GPC6: variants seen among roughly 807,000 people sequenced by gnomAD.
GPC6 encodes glypican 6.
In GPC6, 14 loss-of-function variants were observed where a neutral mutation model predicts 55.2. The ratio of observed to expected loss-of-function variants is 0.25; its 90% CI spans 0.17 to 0.40. GPC6 has a LOEUF of 0.40. Ranked by LOEUF, GPC6 falls within the 10% of genes least tolerant of loss-of-function variation. GPC6 has a pLI of 1.00. For synonymous variants in GPC6, 278 were observed against 259.6 expected, an observed-to-expected ratio of 1.07 and a Z score of -0.68; for missense variants, 641 against 708.5, an observed-to-expected ratio of 0.90 and a Z score of 1.08.
chr13:93,492,216 C>G (rs2139358660), intron 1 of GPC6, among the ~76,000 whole-genome samples: 1 of 147,258 alleles, frequency 6.8e-6, no homozygotes, highest in South Asian at 2.2e-4. Flanking sequence ...GTTTGTAGTT[C>G]TCCTTGAAGA....
the GPC6 span, among the ~76,000 whole-genome samples, chr13:93,220,126 TGATA>T: frequency 6.6e-6 from 1 of 152,242 alleles, no homozygotes; most frequent in Admixed American, 6.5e-5. Context: ...AAATAATTAA[TGATA>T]GATAATTAAC....
chr13:93,695,545 T>C (rs1182687955), intron 2 of GPC6, among the ~76,000 whole-genome samples: 1 of 152,110 alleles, frequency 6.6e-6, no homozygotes, highest in East Asian at 1.9e-4. Context: ...CTTTTATAAA[T>C]ACACTTTTGT....
intron 4 of GPC6, among the ~76,000 whole-genome samples, chr13:94,210,565 T>C (rs1890047329): frequency 6.6e-6 from 1 of 152,192 alleles, no homozygotes; most frequent in Non-Finnish European, 1.5e-5. Flanking sequence ...ATACATGAAA[T>C]TGTATTAGAA....
rs1887438206 is a variant in GPC6, at chr13:93,830,402, G to A, written c.568G>A (p.Val190Met). 4 of 1,613,838 alleles carry A rather than the reference G, an allele frequency of 2.5e-6. No homozygotes were observed. In the East Asian group the frequency reaches 6.7e-5, roughly 27 times the overall value. The change falls in exon 3 of 9, where the codon GTG becomes ATG. Residue 190 changes from valine to methionine, a missense_variant. Transcript: ENST00000377047. The part of the protein sequence containing the change: ...YHFSEDYLEC[V>M]SKYTDQLKPF... ...CTTCAGTGAAGACTACCTGGAATGTGTGAGCAAATACACTGACCAGCTCAA... is the reference window on the plus strand; with the variant it reads ...CTTCAGTGAAGACTACCTGGAATGTATGAGCAAATACACTGACCAGCTCAA...
chr13:93,256,584 T>A (rs143962184), intron 1 of GPC6, among the ~76,000 whole-genome samples: 1 of 152,290 alleles, frequency 6.6e-6, no homozygotes, highest in Non-Finnish European at 1.5e-5. Flanking sequence ...TTAGTACACA[T>A]ATAATGAACA....
intron 1 of GPC6, among the ~76,000 whole-genome samples, chr13:93,533,663 T>G (rs897357746): frequency 6.6e-6 from 1 of 152,074 alleles, no homozygotes; most frequent in Non-Finnish European, 1.5e-5. Flanking sequence ...TGTGAACTGG[T>G]TTTTATTGGG....
intron 2 of GPC6, among the ~76,000 whole-genome samples, chr13:93,819,615 T>A (rs1476417869): frequency 6.6e-6 from 1 of 152,152 alleles, no homozygotes; most frequent in African/African-American, 2.4e-5. Flanking sequence ...GAAACTGCAA[T>A]GATGAAAGTC....
chr13:93,332,332 CAACA>C (rs920809827), intron 1 of GPC6, among the ~76,000 whole-genome samples: 1 of 151,040 alleles, frequency 6.6e-6, no homozygotes, highest in African/African-American at 2.4e-5. Context: ...CATTCCCACG[CAACA>C]GTGTGTAGGA....
chr13:93,448,590 T>C (rs1170675653), intron 1 of GPC6, among the ~76,000 whole-genome samples: 1 of 152,208 alleles, frequency 6.6e-6, no homozygotes, highest in African/African-American at 2.4e-5. Context: ...ATTATCCAGA[T>C]ACTAATTAAA....
upstream of GPC6, chr13:93,226,773 T>A (rs1875798446): frequency 6.6e-6 from 1 of 152,268 alleles, no homozygotes; most frequent in African/African-American, 2.4e-5. Flanking sequence ...GAATTTCGGC[T>A]GTGCAATGTG....
rs1327572863 is a variant in GPC6 at position 93,854,844 on chromosome 13, A to G, written c.711+24299A>G. 2.0e-4 allele frequency among the ~76,000 whole-genome samples: 30 copies of G among 151,702 alleles called. No individual in the cohort carries two copies. In the Admixed American group the frequency reaches 2.0e-3, roughly 10 times the overall value. ...CTTTCCCACCTAAAAGAATCTAAGT[A>G]CATTTTTTTAAAAGAATAGACATTC... On this transcript the variant is annotated intron_variant, in intron 3 of 8. Coordinates refer to ENST00000377047, the MANE Select transcript of GPC6 (RefSeq NM_005708.5).
Position 93,887,660 on chromosome 13 carries a change from G to C in GPC6, c.711+57115G>C, listed in dbSNP as rs189138872. Among the ~76,000 whole-genome samples the C allele has an allele frequency of 2.1e-4, 32 of 152,174 alleles. 1 individual carries two copies. The highest frequency in any genetic ancestry group is 7.0e-4 in the African/African-American group (29 of 41,538). On this transcript the variant is annotated intron_variant, in intron 3 of 8. Transcript: ENST00000377047. ...AAATACATCTTTCACTGTAACAAAA[G>C]AGCCTCTGTGGGGAATTAGTGACTT...
intron 2 of GPC6, among the ~76,000 whole-genome samples, chr13:93,807,574 C>G (rs1327693111): frequency 6.6e-6 from 1 of 152,298 alleles, no homozygotes. Flanking sequence ...TACATTCCAA[C>G]AAGTTTCCGG....
intron 2 of GPC6, among the ~76,000 whole-genome samples, chr13:93,710,694 C>T (rs907816028): frequency 6.8e-6 from 1 of 147,742 alleles, no homozygotes; most frequent in South Asian, 2.1e-4. Flanking sequence ...AAAGTCCCCC[C>T]CCCCAAAAAA....
intron 4 of GPC6, among the ~76,000 whole-genome samples, chr13:94,188,770 TAGC>T (rs1889288527): frequency 2.0e-5 from 3 of 151,986 alleles, no homozygotes; most frequent in Admixed American, 6.6e-5. Flanking sequence ...CCCCATCCCA[TAGC>T]TGGTGACCGA....
In GPC6 at chr13:94,062,603, G is replaced by A. The variant is rs147506601; in HGVS notation, c.877+34709G>A. Among the ~76,000 whole-genome samples the A allele has an allele frequency of 3.1e-4, 47 of 152,002 alleles. 2 individuals are homozygous for A. In the East Asian group the frequency reaches 8.5e-3, roughly 27 times the overall value. On this transcript the variant is annotated intron_variant, in intron 4 of 8. Coordinates refer to ENST00000377047, the MANE Select transcript of GPC6 (RefSeq NM_005708.5). ...TCCTCTCCGTTTTCATCCTAATATCGTACCATTGTTTATTTAGCTTGATTT... is the reference window on the plus strand; with the variant it reads ...TCCTCTCCGTTTTCATCCTAATATCATACCATTGTTTATTTAGCTTGATTT...
At chr13:94,135,388 G>C (rs544602128) in intron 4 of GPC6, among the ~76,000 whole-genome samples, 8 of 152,108 alleles carry the variant, frequency 5.3e-5, no homozygotes, top group Non-Finnish European at 1.0e-4. Flanking sequence ...AATTGTCCAG[G>C]GCCTTTTGGC....
At position 94,070,728 on chromosome 13, in the gene GPC6, T is replaced by C. The variant is rs115816965; in HGVS notation, c.877+42834T>C. 4.8e-3 allele frequency among the ~76,000 whole-genome samples: 729 copies of C among 152,318 alleles called. 8 individuals carry two copies. Among genetic ancestry groups the C allele is most frequent in the African/African-American group, 0.017 (692 of 41,570 alleles). The stretch of plus-strand genomic sequence containing the variant: ...TAGTTTTCTAACCTTTTAAGACTTG[T>C]CTGAAAGTAGTCTGTTGCTAATGAG... On this transcript the variant is annotated intron_variant, in intron 4 of 8. Transcript: ENST00000377047.
At chr13:93,224,712 GCT>G (rs982498487), upstream of GPC6, among the ~76,000 whole-genome samples, 3 of 152,084 alleles carry the variant, frequency 2.0e-5, no homozygotes, top group Admixed American at 1.3e-4. Flanking sequence ...TCCTGCTGTG[GCT>G]CTCAGTGTTA....
Sources: gnomAD v4.1 joint callset for allele counts (sites outside exome capture counted in the v4.1 genomes callset) on GRCh38, gnomAD v4.1.1 for gene constraint, MANE v1.5 for transcripts, NCBI Gene and HGNC (gene_info 2026-07-23, HGNC 2026-07-21) for gene names.